The following ZBTB25 variants were observed in gnomAD, a reference collection of about 807,000 sequenced individuals.
ZBTB25 encodes the protein zinc finger and BTB domain-containing protein 25.
A neutral mutation model predicts 34.2 loss-of-function variants in ZBTB25; 20 were observed. The observed-to-expected ratio is 0.58, with a 90% CI of 0.41 to 0.85. The LOEUF (loss-of-function observed/expected upper bound fraction) is 0.85. Ranked by LOEUF, ZBTB25 falls within the 40% of genes least tolerant of loss-of-function variation. The pLI is 0.00. For synonymous variants in ZBTB25, 175 were observed against 186.4 expected (o/e 0.94, Z 0.50); for missense variants, 437 against 521.8 (o/e 0.84, Z 1.58).
intron 2 of ZBTB25, chr14:64,458,241 C>T (rs202105040): frequency 1.2e-5 from 19 of 1,613,114 alleles, no homozygotes; most frequent in East Asian, 2.2e-5. Context: ...ACTCCCCACC[C>T]GGCCCTGTTT....
rs572944515 is a variant in ZBTB25 at position 64,503,533 on chromosome 14, A to C, written c.-8+128T>G. The C allele has an allele frequency of 1.1e-5, 11 of 985,840 alleles. No individual in the cohort carries two copies. The African/African-American group carries it at 1.6e-4, about 14-fold the overall frequency. The allele number at this position is 985,840 out of a possible 1,614,324, so 61.1% of individuals were successfully genotyped here. On this transcript the variant is annotated intron_variant, in intron 1 of 2. Transcript: ENST00000608382. ...GCCTGACATCTCAATCGGACCAAAAACACCCCTCTCCCCAGCTACTTGCAT... is the reference window on the plus strand; with the variant it reads ...GCCTGACATCTCAATCGGACCAAAACCACCCCTCTCCCCAGCTACTTGCAT...
chr14:64,458,823 C>CA (rs2078517532), intron 2 of ZBTB25, among the ~76,000 whole-genome samples: 1 of 152,190 alleles, frequency 6.6e-6, no homozygotes, highest in Non-Finnish European at 1.5e-5. Flanking sequence ...CAATGAGTGA[C>CA]ATTGCATTGT....
downstream of ZBTB25, chr14:64,474,252 T>C (rs2078701086): frequency 6.0e-6 from 1 of 167,100 alleles, no homozygotes; most frequent in African/African-American, 2.4e-5. Flanking sequence ...ATAAACAGTA[T>C]GCTTATTTTG....
At chr14:64,470,905 CA>C (rs1371786341) in intron 2 of ZBTB25, 1 of 166,868 alleles carries the variant, frequency 6.0e-6, no homozygotes, top group African/African-American at 2.4e-5. Flanking sequence ...AACTTCTCTC[CA>C]AAGAGGGGAG....
chr14:64,492,353 C>T (rs2079113863), intron 1 of ZBTB25, among the ~76,000 whole-genome samples: 1 of 151,798 alleles, frequency 6.6e-6, no homozygotes, highest in African/African-American at 2.4e-5. Flanking sequence ...ATTACAGGTG[C>T]CCGCCACCAT....
chr14:64,501,246 C>G (rs1236665716), intron 1 of ZBTB25, among the ~76,000 whole-genome samples: 1 of 152,128 alleles, frequency 6.6e-6, no homozygotes, highest in Non-Finnish European at 1.5e-5. Flanking sequence ...ATACTATATG[C>G]GAGGCCTTGT....
In ZBTB25 at chr14:64,486,277, GGGCGA is replaced by G; in HGVS notation, c.*641_*645del. On this transcript the variant is annotated 3_prime_UTR_variant, in exon 3 of 3. Coordinates refer to ENST00000608382, the MANE Select transcript of ZBTB25 (RefSeq NM_006977.5). Reference sequence around the variant, plus strand: ...AGATCGCGCCACTGCGCCCCAGCCTGGGCGACACAGAGAGACTCTGTCTCAAAAAA... The same window carrying G: ...AGATCGCGCCACTGCGCCCCAGCCTGCACAGAGAGACTCTGTCTCAAAAAA... The G allele has an allele frequency of 3.1e-6, 3 of 977,248 alleles. No homozygotes were observed. The highest frequency in any genetic ancestry group is 3.6e-6 in the Non-Finnish European group (3 of 822,514). 60.5% of individuals were successfully genotyped at this position (977,248 alleles called of 1,614,324 possible).
At chr14:64,488,397 G>A (rs899621443) in intron 2 of ZBTB25, among the ~76,000 whole-genome samples, 1 of 151,578 alleles carries the variant, frequency 6.6e-6, no homozygotes, top group Admixed American at 6.6e-5. Context: ...TGCTCTTAAG[G>A]AATTTAACAG....
chr14:64,453,577 CAAAA>C (rs1053349678), intron 2 of ZBTB25, among the ~76,000 whole-genome samples: 1 of 152,088 alleles, frequency 6.6e-6, no homozygotes, highest in Non-Finnish European at 1.5e-5. Context: ...CTCAAAAAAA[CAAAA>C]AGAAAGTGTT....
At chr14:64,456,653 GTGTCT>G (rs1596570569) in intron 2 of ZBTB25, among the ~76,000 whole-genome samples, 1 of 152,134 alleles carries the variant, frequency 6.6e-6, no homozygotes, top group East Asian at 1.9e-4. Flanking sequence ...TTTTTCTGCT[GTGTCT>G]AAGGACCCAT....
At chr14:64,493,771 T>C (rs944834688) in intron 1 of ZBTB25, among the ~76,000 whole-genome samples, 21 of 149,848 alleles carry the variant, frequency 1.4e-4, no homozygotes, top group Non-Finnish European at 1.3e-4. Flanking sequence ...GGTGTTGATA[T>C]AAAGGCAGAG....
intron 2 of ZBTB25, chr14:64,462,317 G>A (rs371804797): frequency 1.3e-5 from 2 of 152,438 alleles, no homozygotes; most frequent in Admixed American, 6.5e-5. Flanking sequence ...AGCTCCTTGG[G>A]AGTCTGATGT....
At position 64,486,258 on chromosome 14, in the gene ZBTB25, C is replaced by T. The variant is rs1372366304; in HGVS notation, c.*665G>A. On this transcript the variant is annotated 3_prime_UTR_variant, in exon 3 of 3. Transcript: ENST00000608382. ...CGGAGCTTGCAGTCAGCCGAGATCG[C>T]GCCACTGCGCCCCAGCCTGGGCGAC... is the stretch of plus-strand genomic sequence containing the variant. 8 of 958,306 alleles carry T rather than the reference C, an allele frequency of 8.3e-6. No homozygotes were observed. The highest frequency in any genetic ancestry group is 5.3e-5 in the African/African-American group (3 of 56,620). The allele number at this position is 958,306 out of a possible 1,614,324, so 59.4% of individuals were successfully genotyped here.
At chr14:64,503,552 C>T (rs1013537677) in intron 1 of ZBTB25, 109 bp downstream of exon 1, 57 of 986,044 alleles carry the variant, frequency 5.8e-5, no homozygotes, top group Non-Finnish European at 6.4e-5. Flanking sequence ...TCCCCAGCTA[C>T]TTGCATCTGT....
In ZBTB25 at chr14:64,484,703, AAATAAT is replaced by A. The variant is rs1393859367; in HGVS notation, c.*2214_*2219del. On this transcript the variant is annotated 3_prime_UTR_variant, in exon 3 of 3. Transcript: ENST00000608382. Reference sequence around the variant, plus strand: ...ATCTTAAAAAAAAATTAAATTAAAAAAATAATAATAATGAGTAGGCAAACAGGGAAG... The same window carrying A: ...ATCTTAAAAAAAAATTAAATTAAAAAAATAATGAGTAGGCAAACAGGGAAG... 2 of 152,252 alleles carry A rather than the reference AAATAAT, an allele frequency of 1.3e-5. No homozygotes were observed. Among genetic ancestry groups the A allele is most frequent in the African/African-American group, 4.8e-5 (2 of 41,436 alleles). The allele number at this position is 152,252 out of a possible 1,614,324, so 9.4% of individuals were successfully genotyped here. A position where few individuals can be genotyped will look rare whatever the true frequency, so the allele number is the denominator to read the frequency against.
Position 64,471,491 on chromosome 14 carries a change from G to C in ZBTB25, c.173+18870C>G, listed in dbSNP as rs1166532474. 5 of 167,048 alleles carry C rather than the reference G, an allele frequency of 3.0e-5. No homozygotes were observed. The Admixed American group carries it at 3.3e-4, about 11-fold the overall frequency. The allele number at this position is 167,048 out of a possible 1,614,324, so 10.3% of individuals were successfully genotyped here. A position where few individuals can be genotyped will look rare whatever the true frequency, so the allele number is the denominator to read the frequency against. ...CAATCCAGATATACTTTACAAAAATGAGAAGGGCTTATTTGCATTTTTATT... is the reference window on the plus strand; with the variant it reads ...CAATCCAGATATACTTTACAAAAATCAGAAGGGCTTATTTGCATTTTTATT... On this transcript the variant is annotated intron_variant, in intron 2 of 2. Coordinates refer to the ZBTB25 transcript ENST00000555220.
At position 64,481,110 on chromosome 14, in the gene ZBTB25, A is replaced by C. The variant is rs2078787592; in HGVS notation, c.*5813T>G. On this transcript the variant is annotated 3_prime_UTR_variant, in exon 3 of 3. Transcript: ENST00000608382. ...ACACCTGGCTTATTTTTGTATTTTT[A>C]GTAGAGACAGGGTTTCGCCATGTTA... 6.6e-6 allele frequency: 1 copy of C among 152,030 alleles called. No homozygotes were observed. 9.4% of individuals were successfully genotyped at this position (152,030 alleles called of 1,614,324 possible). A position where few individuals can be genotyped will look rare whatever the true frequency, so the allele number is the denominator to read the frequency against.
At position 64,484,969 on chromosome 14, in the gene ZBTB25, A is replaced by C; in HGVS notation, c.*1954T>G. ...CCCCAAAGAACATACATTTGTTTTA[A>C]TTACTCCCAATACAATTGATCTTAT... On this transcript the variant is annotated 3_prime_UTR_variant, in exon 3 of 3. Coordinates refer to ENST00000608382, the MANE Select transcript of ZBTB25 (RefSeq NM_006977.5). 1.0e-6 allele frequency: 1 copy of C among 980,208 alleles called. No individual in the cohort carries two copies. The highest frequency in any genetic ancestry group is 1.2e-6 in the Non-Finnish European group (1 of 825,116). 60.7% of individuals were successfully genotyped at this position (980,208 alleles called of 1,614,324 possible).
chr14:64,476,349 G>A (rs187088463), downstream of ZBTB25, among the ~76,000 whole-genome samples: 2 of 152,302 alleles, frequency 1.3e-5, no homozygotes, highest in East Asian at 1.9e-4. Flanking sequence ...TTTTTGAGAC[G>A]AAGTCTCGTT....
Sources: gnomAD v4.1 joint callset for allele counts (sites outside exome capture counted in the v4.1 genomes callset) on GRCh38, gnomAD v4.1.1 for gene constraint, MANE v1.5 for transcripts, NCBI Gene and HGNC (gene_info 2026-07-23, HGNC 2026-07-21) for gene names.